BLTP2: variants seen among roughly 807,000 people sequenced by gnomAD.
BLTP2 encodes the protein U937-associated antigen.
chr17:28,623,477 T>C, the BLTP2 span, among the ~76,000 whole-genome samples: 2 of 152,164 alleles, frequency 1.3e-5, no homozygotes, highest in Admixed American at 1.3e-4. Flanking sequence ...TGCTGATTAG[T>C]GTGAACATTA....
At chr17:28,632,759 C>G in the BLTP2 span, among the ~76,000 whole-genome samples, 1 of 151,968 alleles carries the variant, frequency 6.6e-6, no homozygotes, top group Non-Finnish European at 1.5e-5. Flanking sequence ...GTTATAGCAG[C>G]CAAAAAGGAC....
At chr17:28,620,038 G>A in the BLTP2 span, 1 of 1,592,352 alleles carries the variant, frequency 6.3e-7, no homozygotes, top group Non-Finnish European at 8.5e-7. Flanking sequence ...AAAGGGAAAT[G>A]AATATGATTT....
chr17:28,622,650 A>C, the BLTP2 span, among the ~76,000 whole-genome samples: 3 of 152,254 alleles, frequency 2.0e-5, no homozygotes. Context: ...ATTATATCTT[A>C]GAAGTTACAG....
the BLTP2 span, among the ~76,000 whole-genome samples, chr17:28,630,622 G>A: frequency 2.0e-5 from 3 of 151,870 alleles, no homozygotes; most frequent in South Asian, 2.1e-4. Context: ...CTGGAACTAC[G>A]GTCATGTACC....
At chr17:28,639,536 T>G in the BLTP2 span, 4 of 1,612,958 alleles carry the variant, frequency 2.5e-6, no homozygotes, top group Non-Finnish European at 3.4e-6. Flanking sequence ...AGCGGGAGAA[T>G]AGAGAAAGGA....
the BLTP2 span, chr17:28,633,475 T>A: frequency 6.3e-7 from 1 of 1,575,926 alleles, no homozygotes; most frequent in Non-Finnish European, 8.7e-7. Flanking sequence ...AGCACCTGTC[T>A]CTCTTCCCAC....
chr17:28,639,545 G>T, the BLTP2 span: 3 of 1,613,080 alleles, frequency 1.9e-6, no homozygotes, highest in Non-Finnish European at 1.7e-6. Flanking sequence ...ATAGAGAAAG[G>T]AACAATTCTT....
chr17:28,640,703 A>C, the BLTP2 span: 2 of 1,612,906 alleles, frequency 1.2e-6, no homozygotes, highest in African/African-American at 1.3e-5. Flanking sequence ...TGAATGAATA[A>C]CGTAAGAACC....
At chr17:28,641,861 C>T in the BLTP2 span, 1 of 1,576,952 alleles carries the variant, frequency 6.3e-7, no homozygotes, top group African/African-American at 1.4e-5. Context: ...AACAAGGCAG[C>T]CAAGAAGCTC....
At chr17:28,627,812 G>A in the BLTP2 span, among the ~76,000 whole-genome samples, 1 of 151,856 alleles carries the variant, frequency 6.6e-6, no homozygotes, top group African/African-American at 2.4e-5. Flanking sequence ...TTGCCACCAT[G>A]CCTGGTTAAT....
chr17:28,640,347 C>G, the BLTP2 span: 1 of 537,168 alleles, frequency 1.9e-6, no homozygotes, highest in Non-Finnish European at 3.2e-6. Flanking sequence ...GAGCCAAGAT[C>G]GCACCACTGA....
chr17:28,631,455 T>C, the BLTP2 span: 7 of 1,602,842 alleles, frequency 4.4e-6, no homozygotes, highest in East Asian at 1.6e-4. Flanking sequence ...AATAAGGTAA[T>C]AAAGAAAGTG....
chr17:28,622,134 C>G, the BLTP2 span, among the ~76,000 whole-genome samples: 1 of 152,088 alleles, frequency 6.6e-6, no homozygotes. Context: ...GAAGGCATGC[C>G]TAAAAGCAGC....
chr17:28,619,866 G>T, the BLTP2 span: 4 of 1,613,772 alleles, frequency 2.5e-6, no homozygotes, highest in Non-Finnish European at 2.5e-6. Flanking sequence ...CTACCTTCAT[G>T]ATAGAATACA....
the BLTP2 span, chr17:28,643,181 A>G: frequency 5.6e-6 from 9 of 1,614,220 alleles, no homozygotes; most frequent in Admixed American, 8.3e-5. Flanking sequence ...AAGATCTTCA[A>G]TAAGGATGGG....
the BLTP2 span, chr17:28,618,779 T>C: frequency 6.2e-7 from 1 of 1,605,854 alleles, no homozygotes; most frequent in Admixed American, 1.7e-5. Context: ...TGTGACCATA[T>C]ACCCCAGATA....
At chr17:28,620,583 T>A in the BLTP2 span, 1 of 1,614,056 alleles carries the variant, frequency 6.2e-7, no homozygotes, top group African/African-American at 1.3e-5. Context: ...GCTGGGTTGG[T>A]GGAAATTTCC....
At chr17:28,639,102 G>A in the BLTP2 span, 20 of 590,242 alleles carry the variant, frequency 3.4e-5, no homozygotes, top group Non-Finnish European at 6.0e-5. Context: ...ACACTACACT[G>A]AGCACCGAGG....
the BLTP2 span, chr17:28,639,659 G>A: frequency 1.6e-5 from 26 of 1,612,154 alleles, no homozygotes; most frequent in Middle Eastern, 1.6e-4. Context: ...GAGGCCAGAG[G>A]ACAGATCAGA....
Sources: gnomAD v4.1 joint callset for allele counts (sites outside exome capture counted in the v4.1 genomes callset) on GRCh38, gnomAD v4.1.1 for gene constraint, MANE v1.5 for transcripts, NCBI Gene and HGNC (gene_info 2026-07-23, HGNC 2026-07-21) for gene names.